Variants in EMCN observed in about 807,000 individuals in gnomAD.
EMCN encodes endomucin, also known as MUC-14.
In EMCN, 37 loss-of-function variants were observed where a neutral mutation model predicts 38.4. The observed-to-expected ratio is 0.96, with a 90% CI of 0.74 to 1.27. EMCN has a LOEUF of 1.27. EMCN is among the 50% of genes most tolerant of loss of function. The pLI is 0.00. For missense variants in EMCN, 318 were observed against 302.8 expected (o/e 1.05, Z -0.37); for synonymous variants, 95 against 100.8 (o/e 0.94, Z 0.35).
intron 1 of EMCN, among the ~76,000 whole-genome samples, chr4:100,502,695 T>C (rs906880996): frequency 6.6e-6 from 1 of 152,222 alleles, no homozygotes; most frequent in African/African-American, 2.4e-5. Flanking sequence ...CATTTTACTA[T>C]TATTCACGAT....
chr4:100,426,778 G>A (rs991330146), intron 5 of EMCN, among the ~76,000 whole-genome samples: 22 of 152,040 alleles, frequency 1.4e-4, no homozygotes, highest in Non-Finnish European at 2.8e-4. Context: ...CTCTTCCTAT[G>A]GAAAATCACC....
At chr4:100,426,846 T>G (rs140292076) in intron 5 of EMCN, among the ~76,000 whole-genome samples, 2 of 152,274 alleles carry the variant, frequency 1.3e-5, no homozygotes, top group Non-Finnish European at 2.9e-5. Flanking sequence ...TCAGAGTCAC[T>G]GTATGACTAA....
chr4:100,487,757 C>T (rs2110288946), intron 1 of EMCN, among the ~76,000 whole-genome samples: 1 of 152,336 alleles, frequency 6.6e-6, no homozygotes, highest in South Asian at 2.1e-4. Context: ...CCTTCACCTT[C>T]CACTGTGATT....
chr4:100,500,058 C>T (rs546256073), intron 1 of EMCN, among the ~76,000 whole-genome samples: 57 of 151,988 alleles, frequency 3.8e-4, no homozygotes, highest in African/African-American at 1.3e-3. Context: ...ATGGAAAATC[C>T]TCAAATAGTG....
intron 1 of EMCN, among the ~76,000 whole-genome samples, chr4:100,481,874 CTTCT>C (rs1560634346): frequency 2.0e-5 from 3 of 151,198 alleles, no homozygotes; most frequent in African/African-American, 7.3e-5. Flanking sequence ...TCCTTCCTTC[CTTCT>C]TCCCTTCCTC....
At chr4:100,441,135 G>C (rs923563384) in intron 5 of EMCN, among the ~76,000 whole-genome samples, 1 of 151,500 alleles carries the variant, frequency 6.6e-6, no homozygotes, top group South Asian at 2.1e-4. Flanking sequence ...TTATAATATT[G>C]CTCTTTATTT....
intron 5 of EMCN, among the ~76,000 whole-genome samples, chr4:100,425,320 A>G (rs920621902): frequency 1.4e-5 from 2 of 145,292 alleles, no homozygotes; most frequent in Middle Eastern, 3.4e-3. Context: ...TCTTTCTGTG[A>G]CTAAGATGCG....
Position 100,412,427 on chromosome 4 carries a change from A to G in EMCN, c.752-2072T>C, listed in dbSNP as rs144083994. Among the ~76,000 whole-genome samples, 530 of 152,240 alleles carry G rather than the reference A, an allele frequency of 3.5e-3. 3 individuals are homozygous for G. Among genetic ancestry groups the G allele is most frequent in the African/African-American group, 0.012 (509 of 41,564 alleles). ...TGATGCCTTGAAGCTAAGTTTAGTG[A>G]TGCAATGTTTTTCTTCTTCCATAGA... On this transcript the variant is annotated intron_variant, in intron 10 of 11. Coordinates refer to ENST00000296420, the MANE Select transcript of EMCN (RefSeq NM_016242.4).
intron 10 of EMCN, 71 bp from the exon 11 acceptor site, chr4:100,410,426 C>A: frequency 1.4e-6 from 2 of 1,448,214 alleles, no homozygotes; most frequent in Non-Finnish European, 1.9e-6. Flanking sequence ...AGTTTCCTAG[C>A]TTTTTTCTAT....
chr4:100,508,484 T>C (rs1462057410), intron 1 of EMCN, among the ~76,000 whole-genome samples: 1 of 152,200 alleles, frequency 6.6e-6, no homozygotes, highest in Non-Finnish European at 1.5e-5. Context: ...TTATCTCATG[T>C]CAATTGCACA....
intron 1 of EMCN, among the ~76,000 whole-genome samples, chr4:100,500,742 T>C (rs1451826636): frequency 6.6e-6 from 1 of 152,138 alleles, no homozygotes; most frequent in Non-Finnish European, 1.5e-5. Flanking sequence ...GTATATACAA[T>C]ACATTGAACA....
chr4:100,407,184 C>G (rs528426821), intron 11 of EMCN, among the ~76,000 whole-genome samples: 2 of 152,246 alleles, frequency 1.3e-5, no homozygotes, highest in Admixed American at 6.5e-5. Context: ...CAATTTGCCA[C>G]TTTATGCCTT....
intron 1 of EMCN, among the ~76,000 whole-genome samples, chr4:100,509,662 A>C (rs550891145): frequency 1.3e-3 from 198 of 152,316 alleles, no homozygotes; most frequent in African/African-American, 4.7e-3. Context: ...AAATAAATTC[A>C]ATGTGTGATA....
chr4:100,516,053 G>T (rs1304015701), intron 1 of EMCN, among the ~76,000 whole-genome samples: 3 of 152,094 alleles, frequency 2.0e-5, no homozygotes, highest in Non-Finnish European at 4.4e-5. Flanking sequence ...AGACTTGTTG[G>T]CTGACTTGAA....
chr4:100,513,933 G>A (rs1729691001), intron 1 of EMCN, among the ~76,000 whole-genome samples: 1 of 152,038 alleles, frequency 6.6e-6, no homozygotes. Context: ...TAATCTTGTA[G>A]AGAAATAAGA....
chr4:100,416,612 C>A (rs1243540152), intron 9 of EMCN, among the ~76,000 whole-genome samples: 2 of 152,156 alleles, frequency 1.3e-5, no homozygotes, highest in African/African-American at 4.8e-5. Flanking sequence ...AAATTCCTGT[C>A]AACAAGGAAA....
intron 5 of EMCN, among the ~76,000 whole-genome samples, chr4:100,426,757 G>T (rs959326001): frequency 6.6e-5 from 10 of 151,710 alleles, no homozygotes; most frequent in Admixed American, 2.0e-4. Context: ...CATTTTTTTT[G>T]GGAAGCCTAA....
Position 100,473,906 on chromosome 4 carries a change from G to T in EMCN, c.259+1132C>A. ...CTGATTGTGATGTGCGACAAAAAGT[G>T]ACAACTGGCAACAACTAGCTCAGTG... is the stretch of plus-strand genomic sequence containing the variant. On this transcript the variant is annotated intron_variant, in intron 3 of 11. Transcript: ENST00000296420. 2.0e-5 allele frequency: 3 copies of T among 153,100 alleles called. No homozygotes were observed. The South Asian group carries it at 5.5e-4, about 28-fold the overall frequency. The allele number at this position is 153,100 out of a possible 1,614,324, so 9.5% of individuals were successfully genotyped here. A position where few individuals can be genotyped will look rare whatever the true frequency, so the allele number is the denominator to read the frequency against.
At chr4:100,464,523 T>C (rs1728263763) in intron 4 of EMCN, among the ~76,000 whole-genome samples, 1 of 152,128 alleles carries the variant, frequency 6.6e-6, no homozygotes, top group Admixed American at 6.5e-5. Flanking sequence ...ATGTTAGCTG[T>C]AGGCTTTTTG....
Sources: allele counts gnomAD v4.1 joint callset (sites outside exome capture counted in the v4.1 genomes callset), GRCh38; gene constraint gnomAD v4.1.1; transcripts MANE v1.5; gene names NCBI Gene and HGNC (gene_info 2026-07-23, HGNC 2026-07-21).